MYO5B: variants seen among roughly 807,000 people sequenced by gnomAD.
MYO5B encodes myosin VB, also known as unconventional myosin-Vb.
Under a neutral mutation model 229.3 loss-of-function variants are expected in MYO5B, and 143 were observed. That is an observed-to-expected ratio of 0.62 (90% CI 0.54 to 0.72). MYO5B has a LOEUF of 0.72. MYO5B is among the 30% of genes least tolerant of loss of function. The probability of loss-of-function intolerance (pLI) is 0.00; values close to 1 mark genes in which losing one functional copy is unlikely to be tolerated. For synonymous variants in MYO5B, 918 were observed against 885.2 expected, an observed-to-expected ratio of 1.04 and a Z score of -0.66; for missense variants, 2,321 against 2,331.0, an observed-to-expected ratio of 1.00 and a Z score of 0.09.
At chr18:50,111,172 T>C (rs186900397) in intron 1 of MYO5B, among the ~76,000 whole-genome samples, 24 of 152,324 alleles carry the variant, frequency 1.6e-4, no homozygotes, top group Admixed American at 1.2e-3. Flanking sequence ...AGAGGCTGTG[T>C]CAACTCAGTA....
intron 18 of MYO5B, among the ~76,000 whole-genome samples, chr18:49,908,516 C>A (rs977806147): frequency 1.3e-5 from 2 of 152,140 alleles, no homozygotes; most frequent in African/African-American, 4.8e-5. Context: ...CAAAGGATAA[C>A]CCCAGATCTG....
intron 10 of MYO5B, among the ~76,000 whole-genome samples, chr18:49,972,394 G>A (rs1193205483): frequency 6.6e-6 from 1 of 152,116 alleles, no homozygotes; most frequent in African/African-American, 2.4e-5. Context: ...AAGATCACAG[G>A]GAAGGAGAAA....
At chr18:50,145,758 G>T (rs9966785) in intron 1 of MYO5B, among the ~76,000 whole-genome samples, 195 of 152,106 alleles carry the variant, frequency 1.3e-3, no homozygotes, top group African/African-American at 4.2e-3. Context: ...TCCCAGAAAA[G>T]ATTTCTGCAA....
At chr18:50,182,337 C>A (rs1400230846) in intron 1 of MYO5B, among the ~76,000 whole-genome samples, 1 of 152,146 alleles carries the variant, frequency 6.6e-6, no homozygotes, top group Admixed American at 6.5e-5. Context: ...CATGCAAATA[C>A]CCATGGGTCT....
intron 17 of MYO5B, among the ~76,000 whole-genome samples, chr18:49,916,357 G>A (rs982559703): frequency 1.3e-5 from 2 of 152,194 alleles, no homozygotes; most frequent in Non-Finnish European, 2.9e-5. Flanking sequence ...CTCTGATGCC[G>A]GCCGGCAGTG....
intron 33 of MYO5B, among the ~76,000 whole-genome samples, chr18:49,845,238 A>G (rs2024110618): frequency 6.6e-6 from 1 of 152,236 alleles, no homozygotes; most frequent in Non-Finnish European, 1.5e-5. Context: ...AGTTTAAGAT[A>G]AACTTACACC....
intron 33 of MYO5B, among the ~76,000 whole-genome samples, chr18:49,846,336 C>T (rs1249815206): frequency 6.6e-6 from 1 of 152,136 alleles, no homozygotes; most frequent in African/African-American, 2.4e-5. Context: ...TCACCCCTTC[C>T]CAGGGGTGAT....
chr18:50,135,636 C>A (rs1249031719), intron 1 of MYO5B, among the ~76,000 whole-genome samples: 1 of 152,096 alleles, frequency 6.6e-6, no homozygotes, highest in African/African-American at 2.4e-5. Flanking sequence ...ATTTAAATGG[C>A]TAATTTCATC....
chr18:49,891,907 G>A (rs1190642565), intron 22 of MYO5B, among the ~76,000 whole-genome samples: 1 of 152,186 alleles, frequency 6.6e-6, no homozygotes. Context: ...CTGGGGGCCT[G>A]CTAGTCATCT....
chr18:50,003,831 T>C (rs962088108), intron 4 of MYO5B, among the ~76,000 whole-genome samples: 13 of 152,172 alleles, frequency 8.5e-5, no homozygotes, highest in African/African-American at 2.9e-4. Context: ...AATGCAGAAG[T>C]ATATACTATC....
At chr18:50,145,440 T>C (rs947264421) in intron 1 of MYO5B, among the ~76,000 whole-genome samples, 19 of 137,110 alleles carry the variant, frequency 1.4e-4, no homozygotes, top group African/African-American at 1.1e-4. Flanking sequence ...TGAGCCGAGA[T>C]TGAGCTGAGA....
chr18:49,942,522 AAAAC>A (rs1416558970), intron 14 of MYO5B, among the ~76,000 whole-genome samples: 18 of 152,142 alleles, frequency 1.2e-4, no homozygotes, highest in Middle Eastern at 6.8e-3. Flanking sequence ...TTACAAGAAA[AAAAC>A]AAACAACCCC....
In MYO5B at chr18:49,910,753, G is replaced by A. The variant is rs190940150; in HGVS notation, c.2202+1309C>T. ...ATTTACAAAATAAAACATGACCTTA[G>A]ATCCTGATCATCTGGCAATGAGCTA... On this transcript the variant is annotated intron_variant, in intron 18 of 39. Coordinates refer to ENST00000285039, the MANE Select transcript of MYO5B (RefSeq NM_001080467.3). Among the ~76,000 whole-genome samples, 566 of 152,234 alleles carry A rather than the reference G, an allele frequency of 3.7e-3. 3 individuals are homozygous for A. Among genetic ancestry groups the A allele is most frequent in the Non-Finnish European group, 6.6e-3 (447 of 68,030 alleles).
chr18:50,000,510 A>G (rs9950823), intron 5 of MYO5B, among the ~76,000 whole-genome samples: 145,878 of 152,312 alleles, frequency 0.96, 69,916 homozygotes, highest in East Asian at 1. Context: ...AGGCCATTTC[A>G]TTCTAATCCA....
At chr18:49,946,661 G>A (rs1427277609) in intron 14 of MYO5B, among the ~76,000 whole-genome samples, 1 of 47,480 alleles carries the variant, frequency 2.1e-5, no homozygotes, top group African/African-American at 9.0e-5. Context: ...CTGGCACTGT[G>A]CTATAATCTG....
intron 4 of MYO5B, among the ~76,000 whole-genome samples, chr18:50,016,227 C>A (rs1252414326): frequency 2.0e-5 from 3 of 152,070 alleles, no homozygotes. Flanking sequence ...ATTTTGTTTG[C>A]CTTACTGTGC....
At position 49,847,257 on chromosome 18, in the gene MYO5B, G is replaced by T. The variant is rs748156643; in HGVS notation, c.4348C>A (p.Arg1450Ser). The T allele has an allele frequency of 1.2e-6, 2 of 1,613,784 alleles. No individual in the cohort carries two copies. The highest frequency in any genetic ancestry group is 1.1e-5 in the South Asian group (1 of 91,052). ...GTGACCTGCCTGTTGAGCTCATGGCGCTTCCTCTCACTCTGGGCCAATGCC... is the reference window on the plus strand; with the variant it reads ...GTGACCTGCCTGTTGAGCTCATGGCTCTTCCTCTCACTCTGGGCCAATGCC... ...AQALAQSERKRHELNRQVTVQ... is the reference protein window; with the variant it reads ...AQALAQSERKSHELNRQVTVQ... Residue 1450 changes from arginine (R) to serine (S), a missense_variant, in exon 33 of 40, where the codon CGC becomes AGC. Arg to Ser is a moderately radical substitution (Grantham distance 110). Coordinates refer to ENST00000285039, the MANE Select transcript of MYO5B (RefSeq NM_001080467.3).
chr18:50,047,091 G>A (rs1293973174), intron 2 of MYO5B, among the ~76,000 whole-genome samples: 1 of 152,170 alleles, frequency 6.6e-6, no homozygotes, highest in African/African-American at 2.4e-5. Flanking sequence ...TGACAAATGG[G>A]ATCTAATTCA....
intron 25 of MYO5B, among the ~76,000 whole-genome samples, chr18:49,877,258 A>G (rs1374258134): frequency 6.6e-6 from 1 of 152,212 alleles, no homozygotes; most frequent in Non-Finnish European, 1.5e-5. Flanking sequence ...TTAGTGACTG[A>G]CTAAGAGGCT....
Sources: gnomAD v4.1 joint callset for allele counts (sites outside exome capture counted in the v4.1 genomes callset) on GRCh38, gnomAD v4.1.1 for gene constraint, MANE v1.5 for transcripts, NCBI Gene and HGNC (gene_info 2026-07-23, HGNC 2026-07-21) for gene names.